ARHGAP39: variants seen among roughly 807,000 people sequenced by gnomAD.
ARHGAP39 encodes the protein Rho GTPase activating protein 39.
Under a neutral mutation model 106.9 loss-of-function variants are expected in ARHGAP39, and 44 were observed. The ratio of observed to expected loss-of-function variants is 0.41; its 90% confidence interval spans 0.32 to 0.53. The LOEUF is 0.53. Ranked by LOEUF, ARHGAP39 falls within the 20% of genes least tolerant of loss-of-function variation. The pLI, the probability that ARHGAP39 is intolerant of heterozygous loss-of-function variation, is 0.21. For missense variants in ARHGAP39, 1,496 were observed against 1,577.3 expected, an observed-to-expected ratio of 0.95 and a Z score of 0.87; for synonymous variants, 768 against 693.2, an observed-to-expected ratio of 1.11 and a Z score of -1.69.
chr8:144,591,859 GCGTCGCCT>G lies in ARHGAP39; in HGVS notation c.81-10590_81-10583del, dbSNP rs1241744999. Among the ~76,000 whole-genome samples, 49 of 152,172 alleles carry G rather than the reference GCGTCGCCT, an allele frequency of 3.2e-4. No homozygotes were observed. Among genetic ancestry groups the G allele is most frequent in the Non-Finnish European group, 1.8e-4 (12 of 68,010 alleles). On this transcript the variant is annotated intron_variant, in intron 2 of 11. Coordinates refer to ENST00000377307, the MANE Select transcript of ARHGAP39 (RefSeq NM_025251.3). This position sits in a 1 kb window ranked among gnomAD's most constrained non-coding sequence, Gnocchi z 5.3. Reference sequence around the variant, plus strand: ...CCAGGGCGGCTTCCCCTGGATGGCGGCGTCGCCTCGTCGCCTCGTGCCTGCGGGGAGTG... The same window carrying G: ...CCAGGGCGGCTTCCCCTGGATGGCGGCGTCGCCTCGTGCCTGCGGGGAGTG...
At chr8:144,531,186 G>A (rs538257081) in intron 10 of ARHGAP39, among the ~76,000 whole-genome samples, 2 of 151,402 alleles carry the variant, frequency 1.3e-5, no homozygotes, top group Admixed American at 6.6e-5. Flanking sequence ...AAGGGCACAG[G>A]GCAGAGAGCA....
chr8:144,602,077 CTGTG>C (rs1333205625), intron 2 of ARHGAP39, among the ~76,000 whole-genome samples: 1 of 83,356 alleles, frequency 1.2e-5, no homozygotes, highest in Non-Finnish European at 2.3e-5. Flanking sequence ...GCTCATGTAC[CTGTG>C]TGTGGAGGCG....
chr8:144,619,793 C>T (rs1432589612), intron 1 of ARHGAP39, among the ~76,000 whole-genome samples: 8 of 126,752 alleles, frequency 6.3e-5, no homozygotes, highest in South Asian at 5.7e-4. Context: ...TCCGAGAGAG[C>T]GCGTGCCCGT....
intron 1 of ARHGAP39, among the ~76,000 whole-genome samples, chr8:144,609,970 AG>A (rs1314793673): frequency 6.6e-6 from 1 of 152,202 alleles, no homozygotes; most frequent in African/African-American, 2.4e-5. Context: ...CTTTGTGGGA[AG>A]GTTTTCAATT....
chr8:144,567,421 G>A (rs1034910633), intron 3 of ARHGAP39, among the ~76,000 whole-genome samples: 3 of 152,324 alleles, frequency 2.0e-5, no homozygotes, highest in Middle Eastern at 3.4e-3. Flanking sequence ...GTTGCCAAGC[G>A]GACCGTGGTC....
chr8:144,554,517 C>A (rs1196369869), intron 4 of ARHGAP39, among the ~76,000 whole-genome samples: 1 of 152,168 alleles, frequency 6.6e-6, no homozygotes, highest in Non-Finnish European at 1.5e-5. Context: ...CAGGTGGGCA[C>A]GTCCACCACG....
At position 144,529,376 on chromosome 8, in the gene ARHGAP39, G is replaced by A. The variant is rs1163143233; in HGVS notation, c.*1046C>T. 6.5e-6 allele frequency: 1 copy of A among 152,822 alleles called. No individual in the cohort carries two copies. Among genetic ancestry groups the A allele is most frequent in the Non-Finnish European group, 1.5e-5 (1 of 68,444 alleles). The allele number at this position is 152,822 out of a possible 1,614,324, so 9.5% of individuals were successfully genotyped here. ...TAAAAAATATATATATAAAAACTGGGGAGAAATTAAGTTTTACAACAATTG... is the reference window on the plus strand; with the variant it reads ...TAAAAAATATATATATAAAAACTGGAGAGAAATTAAGTTTTACAACAATTG... On this transcript the variant is annotated 3_prime_UTR_variant, in exon 12 of 12. Transcript: ENST00000377307.
Position 144,644,038 on chromosome 8 carries a change from C to T in ARHGAP39, c.-81-38343G>A, listed in dbSNP as rs542168700. Among the ~76,000 whole-genome samples the T allele has an allele frequency of 5.3e-4, 81 of 152,296 alleles. No individual in the cohort carries two copies. The highest frequency in any genetic ancestry group is 9.1e-4 in the Non-Finnish European group (62 of 68,032). ...AAAACAGTTTGGCAAAAATCTACCA[C>T]GTGACCCAGCAATTCCACTCCCAGG... On this transcript the variant is annotated intron_variant, in intron 1 of 11. Transcript: ENST00000377307. This position sits in a 1 kb window ranked among gnomAD's most constrained non-coding sequence, Gnocchi z 4.8.
upstream of ARHGAP39, among the ~76,000 whole-genome samples, chr8:144,686,922 TGGCGGCG>T (rs1563738863): frequency 3.6e-4 from 23 of 64,778 alleles, 1 homozygote; most frequent in African/African-American, 1.1e-3. Flanking sequence ...GACCACACAC[TGGCGGCG>T]ACCATTTCCC....
intron 3 of ARHGAP39, among the ~76,000 whole-genome samples, chr8:144,565,655 T>C (rs1818367734): frequency 2.0e-5 from 3 of 151,960 alleles, no homozygotes; most frequent in African/African-American, 7.3e-5. Flanking sequence ...ACCACTGCAC[T>C]CCAGCCTGGG....
intron 1 of ARHGAP39, among the ~76,000 whole-genome samples, chr8:144,620,467 G>A (rs1051625904): frequency 2.8e-5 from 4 of 144,260 alleles, no homozygotes; most frequent in East Asian, 2.2e-4. Flanking sequence ...CCAAGGGAGC[G>A]TGTGTGCCCG....
intron 1 of ARHGAP39, among the ~76,000 whole-genome samples, chr8:144,668,588 A>C (rs1822020614): frequency 6.6e-6 from 1 of 152,262 alleles, no homozygotes; most frequent in African/African-American, 2.4e-5. Flanking sequence ...TAAAATATTT[A>C]GGAATCAATT....
rs1821430098 is a variant in ARHGAP39 at position 144,645,808 on chromosome 8, C to G, written c.-82+39878G>C. ...AGGAAAGTCATAACCAAAGGGGCTG[C>G]CTGAGCGAGGCCAGGGCTGCAGGGG... On this transcript the variant is annotated intron_variant, in intron 1 of 11. Transcript: ENST00000377307. This position sits in a 1 kb window ranked among gnomAD's most constrained non-coding sequence, Gnocchi z 4.4. Among the ~76,000 whole-genome samples the G allele has an allele frequency of 6.6e-6, 1 of 152,176 alleles. No homozygotes were observed. Among genetic ancestry groups the G allele is most frequent in the South Asian group, 2.1e-4 (1 of 4,832 alleles).
chr8:144,529,567 G>A lies in ARHGAP39; in HGVS notation c.*855C>T, dbSNP rs969775346. 7 of 152,178 alleles carry A rather than the reference G, an allele frequency of 4.6e-5. No homozygotes were observed. The highest frequency in any genetic ancestry group is 1.0e-4 in the Non-Finnish European group (7 of 68,036). 9.4% of individuals were successfully genotyped at this position (152,178 alleles called of 1,614,324 possible). ...TTTTTGGTCAGAAGCCAAGAAAAAA[G>A]ATCGGAGAAGAAAAGAAGGAATGAC... is the stretch of plus-strand genomic sequence containing the variant. On this transcript the variant is annotated 3_prime_UTR_variant, in exon 12 of 12. Transcript: ENST00000377307.
chr8:144,690,453 A>AT (rs1822721080), upstream of ARHGAP39, among the ~76,000 whole-genome samples: 1 of 151,660 alleles, frequency 6.6e-6, no homozygotes, highest in African/African-American at 2.4e-5. Context: ...CAATTTCTCC[A>AT]TATCTTCTCC....
At chr8:144,653,156 C>T (rs1172865724) in intron 1 of ARHGAP39, among the ~76,000 whole-genome samples, 2 of 152,016 alleles carry the variant, frequency 1.3e-5, no homozygotes, top group African/African-American at 4.8e-5. Context: ...AATAGCTGGG[C>T]GTGGTGGCAT....
chr8:144,557,513 G>A (rs1433572591), intron 3 of ARHGAP39, among the ~76,000 whole-genome samples: 2 of 140,832 alleles, frequency 1.4e-5, no homozygotes, highest in Non-Finnish European at 3.1e-5. Context: ...AGTATTCAGC[G>A]GCAAAAGGCT....
chr8:144,691,289 G>A, the ARHGAP39 span, among the ~76,000 whole-genome samples: 4 of 152,158 alleles, frequency 2.6e-5, no homozygotes, highest in African/African-American at 7.2e-5. Flanking sequence ...TGAGGGCCTG[G>A]TGGATCATCC....
At chr8:144,606,653 C>T (rs1281099461) in intron 1 of ARHGAP39, among the ~76,000 whole-genome samples, 3 of 151,636 alleles carry the variant, frequency 2.0e-5, no homozygotes, top group African/African-American at 2.4e-5. Flanking sequence ...GAGGTGACTG[C>T]GGAGGAGGAG....
Sources: allele counts gnomAD v4.1 joint callset (sites outside exome capture counted in the v4.1 genomes callset), GRCh38; gene constraint gnomAD v4.1.1; non-coding constraint Gnocchi (gnomAD v3.1); transcripts MANE v1.5; gene names NCBI Gene and HGNC (gene_info 2026-07-23, HGNC 2026-07-21).